Variants in THSD7B observed in about 807,000 individuals in gnomAD.
THSD7B encodes thrombospondin type-1 domain-containing protein 7B.
In THSD7B, 138 loss-of-function variants were observed where a neutral mutation model predicts 213.6. The observed-to-expected ratio is 0.65, with a 90% CI of 0.56 to 0.74. The LOEUF is 0.74. Among genes scored for constraint, THSD7B ranks in the 30% least tolerant of loss-of-function variants. The pLI is 0.00. For missense variants in THSD7B, 1,931 were observed against 1,991.5 expected (o/e 0.97, Z 0.58); for synonymous variants, 742 against 687.0 (o/e 1.08, Z -1.25).
intron 2 of THSD7B, among the ~76,000 whole-genome samples, chr2:136,965,546 A>T (rs1434342896): frequency 6.6e-6 from 1 of 152,132 alleles, no homozygotes; most frequent in Non-Finnish European, 1.5e-5. Context: ...ACTTCTACAC[A>T]CTTTGCTTAA....
intron 20 of THSD7B, among the ~76,000 whole-genome samples, chr2:137,641,148 G>T (rs1238841247): frequency 6.6e-6 from 1 of 152,230 alleles, no homozygotes; most frequent in East Asian, 1.9e-4. Context: ...TAGAATCTTT[G>T]ACATCAACTA....
chr2:137,375,650 T>C (rs1685637034), intron 12 of THSD7B, among the ~76,000 whole-genome samples: 1 of 152,206 alleles, frequency 6.6e-6, no homozygotes, highest in African/African-American at 2.4e-5. Flanking sequence ...ACTTCTATAA[T>C]AGAATTTTAT....
chr2:136,775,211 G>A (rs990197073), intron 1 of THSD7B, among the ~76,000 whole-genome samples: 1 of 152,028 alleles, frequency 6.6e-6, no homozygotes, highest in Non-Finnish European at 1.5e-5. Flanking sequence ...TACTCAACAG[G>A]TATGTATTGA....
intron 3 of THSD7B, among the ~76,000 whole-genome samples, chr2:137,071,612 T>A (rs1408607982): frequency 6.6e-6 from 1 of 152,218 alleles, no homozygotes; most frequent in East Asian, 1.9e-4. Flanking sequence ...TTTTGGTGTT[T>A]TAGACATGAA....
chr2:136,835,424 C>G (rs1682827809), intron 1 of THSD7B, among the ~76,000 whole-genome samples: 1 of 152,032 alleles, frequency 6.6e-6, no homozygotes, highest in South Asian at 2.1e-4. Context: ...TGTTGACAAA[C>G]TTTTAAATTA....
chr2:136,961,282 G>A (rs182943869), intron 2 of THSD7B, among the ~76,000 whole-genome samples: 1,616 of 145,550 alleles, frequency 0.011, 32 homozygotes, highest in African/African-American at 0.039. Context: ...GTGCAGTGGC[G>A]TGATCTCGGC....
Sources: allele counts gnomAD v4.1 joint callset (sites outside exome capture counted in the v4.1 genomes callset), GRCh38; gene constraint gnomAD v4.1.1; transcripts MANE v1.5; gene names NCBI Gene and HGNC (gene_info 2026-07-23, HGNC 2026-07-21).